Variants in ALDH6A1 observed in about 807,000 individuals in gnomAD.
The protein encoded by ALDH6A1 is methylmalonate-semialdehyde/malonate-semialdehyde dehydrogenase [acylating], mitochondrial.
A neutral mutation model predicts 62.6 loss-of-function variants in ALDH6A1; 43 were observed. The observed-to-expected ratio is 0.69, with a 90% CI of 0.54 to 0.89. ALDH6A1 has a LOEUF of 0.89. Among genes scored for constraint, ALDH6A1 ranks in the 40% least tolerant of loss-of-function variants. The pLI is 0.00. For synonymous variants in ALDH6A1, 194 were observed against 234.2 expected (o/e 0.83, Z 1.57); for missense variants, 551 against 661.3 (o/e 0.83, Z 1.83).
chr14:74,066,794 C>T lies in ALDH6A1; in HGVS notation c.1135G>A (p.Ala379Thr), dbSNP rs1334314838. 1.2e-6 allele frequency: 2 copies of T among 1,613,688 alleles called. No homozygotes were observed. The highest frequency in any genetic ancestry group is 8.5e-7 in the Non-Finnish European group (1 of 1,179,624). ...NLIDSGTKEG[A>T]SILLDGRKIK... ...TTTCGTCCATCAAGAAGGATGGAAG[C>T]TCCCTCCTTTGTTCCACTATCAATC... The change falls in exon 9 of 12, where the codon GCT becomes ACT. Residue 379 changes from alanine to threonine, a missense_variant. Transcript: ENST00000553458.
At chr14:74,065,130 T>C (rs1482415072) in intron 10 of ALDH6A1, 51 bp downstream of exon 10, 1 of 1,588,270 alleles carries the variant, frequency 6.3e-7, no homozygotes, top group Non-Finnish European at 8.6e-7. Flanking sequence ...TGTTTCCTCT[T>C]AGGAAATAGT....
Position 74,084,330 on chromosome 14 carries a change from GCAC to G in ALDH6A1, c.48+14_48+16del, listed in dbSNP as rs1566839844. On this transcript the variant is annotated intron_variant, in intron 1 of 11. Transcript: ENST00000553458. ...CAATTCCTAGCTTCATGGTGCCTTG[GCAC>G]CACCCTCACTCGCCTGCAGGATCCG... The G allele has an allele frequency of 1.2e-6, 2 of 1,613,750 alleles. No individual in the cohort carries two copies. The highest frequency in any genetic ancestry group is 1.7e-6 in the Non-Finnish European group (2 of 1,179,918).
Position 74,059,950 on chromosome 14 carries a change from T to G in ALDH6A1, c.*692A>C, listed in dbSNP as rs184933997. 6.5e-6 allele frequency: 1 copy of G among 153,522 alleles called. No homozygotes were observed. The highest frequency in any genetic ancestry group is 2.4e-5 in the African/African-American group (1 of 41,448). The allele number at this position is 153,522 out of a possible 1,614,324, so 9.5% of individuals were successfully genotyped here. ...AAGAAAGAAGCTGTTGCCACAACTT[T>G]GGGATATATAAAAATGGATTATATC... On this transcript the variant is annotated 3_prime_UTR_variant, in exon 12 of 12. Coordinates refer to ENST00000553458, the MANE Select transcript of ALDH6A1 (RefSeq NM_005589.4).
intron 1 of ALDH6A1, among the ~76,000 whole-genome samples, chr14:74,080,697 C>A (rs1344332004): frequency 6.6e-6 from 1 of 152,164 alleles, no homozygotes; most frequent in African/African-American, 2.4e-5. Flanking sequence ...CCTGCCTGGG[C>A]CACCCAAAGT....
At chr14:74,068,635 C>T (rs1405802162) in intron 7 of ALDH6A1, among the ~76,000 whole-genome samples, 2 of 151,722 alleles carry the variant, frequency 1.3e-5, no homozygotes, top group African/African-American at 4.8e-5. Flanking sequence ...CCCAGCTACT[C>T]GGGAGGCTGA....
chr14:74,077,561 C>T (rs1271302869), intron 1 of ALDH6A1, among the ~76,000 whole-genome samples: 20 of 152,052 alleles, frequency 1.3e-4, no homozygotes, highest in Non-Finnish European at 5.9e-5. Flanking sequence ...GGGGGGGTAT[C>T]CTGGCTTTAT....
chr14:74,057,009 CATG>C lies in ALDH6A1; in HGVS notation c.*3630_*3632del, dbSNP rs1315184318. The C allele has an allele frequency of 6.3e-7, 1 of 1,599,090 alleles. No homozygotes were observed. ...AGAGCTCTCTTGCTTAAGTAATAAA[CATG>C]AGCCCAACACGATGGTTCTTGTGGG... On this transcript the variant is annotated 3_prime_UTR_variant, in exon 12 of 12. Coordinates refer to ENST00000553458, the MANE Select transcript of ALDH6A1 (RefSeq NM_005589.4).
intron 7 of ALDH6A1, 128 bp downstream of exon 7, chr14:74,068,732 T>C: frequency 1.8e-6 from 2 of 1,138,900 alleles, no homozygotes; most frequent in Non-Finnish European, 2.5e-6. Context: ...ACAGAGAGAC[T>C]CTGTCTCAAA....
At chr14:74,068,067 G>A (rs1173143158) in intron 7 of ALDH6A1, among the ~76,000 whole-genome samples, 1 of 150,008 alleles carries the variant, frequency 6.7e-6, no homozygotes, top group African/African-American at 2.5e-5. Context: ...AGGCAAAACA[G>A]AAAGTAGACC....
chr14:74,065,030 T>C, intron 10 of ALDH6A1, 110 bp from the exon 11 acceptor site: 1 of 1,366,514 alleles, frequency 7.3e-7, no homozygotes, highest in Non-Finnish European at 1.0e-6. Flanking sequence ...CCCTATCCTC[T>C]ACCCCATGAA....
rs1047039253 is a variant in ALDH6A1 at position 74,059,108 on chromosome 14, C to T, written c.*1534G>A. The T allele has an allele frequency of 7.4e-5, 11 of 149,430 alleles. No homozygotes were observed. Among genetic ancestry groups the T allele is most frequent in the Middle Eastern group, 3.5e-3 (1 of 286 alleles). The allele number at this position is 149,430 out of a possible 1,614,324, so 9.3% of individuals were successfully genotyped here. A position where few individuals can be genotyped will look rare whatever the true frequency, so the allele number is the denominator to read the frequency against. ...TCAAAAAAAAAAAAAAAAAAAAAAG[C>T]GTAAAGGCAGTTGAACTAATGGCAG... On this transcript the variant is annotated 3_prime_UTR_variant, in exon 12 of 12. Coordinates refer to ENST00000553458, the MANE Select transcript of ALDH6A1 (RefSeq NM_005589.4).
In ALDH6A1 at chr14:74,067,531, A is replaced by G. The variant is rs2060486517; in HGVS notation, c.891T>C (p.Asn297=). The part of the protein sequence containing the change: ...KNHGVVMPDA[N]KENTLNQLVG... ...CCAGCTGGTTCAGGGTATTTTCCTT[A>G]TTGGCATCTGGCATGACTACCCCAT... Residue 297 remains asparagine (N), a synonymous_variant, in exon 8 of 12, where the codon AAT becomes AAC. Coordinates refer to ENST00000553458, the MANE Select transcript of ALDH6A1 (RefSeq NM_005589.4). 1.9e-6 allele frequency: 3 copies of G among 1,614,110 alleles called. No individual in the cohort carries two copies. The South Asian group carries it at 3.3e-5, about 18-fold the overall frequency.
Position 74,084,425 on chromosome 14 carries a change from C to A in ALDH6A1, c.-31G>T, listed in dbSNP as rs1228647418. 1.2e-6 allele frequency: 2 copies of A among 1,611,480 alleles called. No homozygotes were observed. The highest frequency in any genetic ancestry group is 4.5e-5 in the East Asian group (2 of 44,854). ...TCGGCCGCCCTAGCTCCGCACCCCG[C>A]GCCTCTACTGCCCAGAAGCACTACA... On this transcript the variant is annotated 5_prime_UTR_variant, in exon 1 of 12. Transcript: ENST00000553458.
rs1180946180 is a variant in ALDH6A1, at chr14:74,056,989, T to G, written c.*3653A>C. 1 of 1,610,654 alleles carries G rather than the reference T, an allele frequency of 6.2e-7. No individual in the cohort carries two copies. The highest frequency in any genetic ancestry group is 8.5e-7 in the Non-Finnish European group (1 of 1,177,740). On this transcript the variant is annotated 3_prime_UTR_variant, in exon 12 of 12. Transcript: ENST00000553458. The stretch of plus-strand genomic sequence containing the variant: ...GAAACAAAGGAATTTGGGTAAGAGC[T>G]CTCTTGCTTAAGTAATAAACATGAG...
At chr14:74,066,017 C>G (rs2060457558) in intron 9 of ALDH6A1, 1 of 154,424 alleles carries the variant, frequency 6.5e-6, no homozygotes, top group Non-Finnish European at 1.4e-5. Flanking sequence ...TCAAAAAATG[C>G]CTCATAACCT....
intron 1 of ALDH6A1, among the ~76,000 whole-genome samples, chr14:74,083,212 G>A (rs576821456): frequency 2.6e-5 from 4 of 152,268 alleles, no homozygotes; most frequent in South Asian, 2.1e-4. Context: ...TAGAACTCAC[G>A]GAAACCTGGT....
intron 1 of ALDH6A1, among the ~76,000 whole-genome samples, chr14:74,080,670 T>C (rs1046547967): frequency 7.9e-5 from 12 of 152,108 alleles, no homozygotes; most frequent in Non-Finnish European, 2.9e-5. Context: ...TTTGAACTCT[T>C]AGCCTCAAGC....
intron 1 of ALDH6A1, among the ~76,000 whole-genome samples, chr14:74,075,584 G>A (rs1409170134): frequency 1.4e-4 from 22 of 152,022 alleles, no homozygotes; most frequent in Admixed American, 1.4e-3. Flanking sequence ...TTCAGCCCGG[G>A]AGGGTGAGGC....
chr14:74,069,835 T>C (rs10138572), intron 6 of ALDH6A1, among the ~76,000 whole-genome samples: 35,511 of 149,326 alleles, frequency 0.24, 4,820 homozygotes, highest in South Asian at 0.46. Flanking sequence ...CCAGAATTTC[T>C]ACTTCTAATC....
Sources: gnomAD v4.1 joint callset for allele counts (sites outside exome capture counted in the v4.1 genomes callset) on GRCh38, gnomAD v4.1.1 for gene constraint, MANE v1.5 for transcripts, NCBI Gene and HGNC (gene_info 2026-07-23, HGNC 2026-07-21) for gene names.